Variants in PSMD3 observed in about 807,000 individuals in gnomAD.
The protein encoded by PSMD3 is proteasome 26S subunit, non-ATPase 3.
PSMD3 carries 5 observed loss-of-function variants against 62.8 expected under a neutral mutation model. The observed-to-expected ratio is 0.08, with a 90% CI of 0.04 to 0.17. PSMD3 has a LOEUF of 0.17. Ranked by LOEUF, PSMD3 falls within the 10% of genes least tolerant of loss-of-function variation. The pLI is 1.00. For missense variants in PSMD3, 524 were observed against 713.6 expected (o/e 0.73, Z 3.03); for synonymous variants, 265 against 283.9 (o/e 0.93, Z 0.67).
In PSMD3 at chr17:39,995,692, A is replaced by C. The variant is rs757588120; in HGVS notation, c.1320+165A>C. The stretch of plus-strand genomic sequence containing the variant: ...CAGTGAAGCCAAGAAGTTGCCAGAG[A>C]GAGCATGGATGTGCATGTGAGTGTG... On this transcript the variant is annotated intron_variant, in intron 9 of 11. Transcript: ENST00000264639. This position sits in a 1 kb window ranked among gnomAD's most constrained non-coding sequence, Gnocchi z 4.1. 4.3e-6 allele frequency: 3 copies of C among 695,552 alleles called. No individual in the cohort carries two copies. Among genetic ancestry groups the C allele is most frequent in the Non-Finnish European group, 7.6e-6 (3 of 396,936 alleles). 43.1% of individuals were successfully genotyped at this position (695,552 alleles called of 1,614,324 possible). A position where few individuals can be genotyped will look rare whatever the true frequency, so the allele number is the denominator to read the frequency against.
chr17:39,983,662 T>C (rs942488412), intron 1 of PSMD3, among the ~76,000 whole-genome samples: 5 of 152,232 alleles, frequency 3.3e-5, no homozygotes, highest in African/African-American at 1.2e-4. Context: ...TTTCTCCCAT[T>C]GTTCACATTT....
intron 6 of PSMD3, among the ~76,000 whole-genome samples, chr17:39,991,745 T>C (rs887293290): frequency 1.3e-5 from 2 of 152,144 alleles, no homozygotes; most frequent in African/African-American, 4.8e-5. Flanking sequence ...AGAAAGGGTC[T>C]TAAAGAAAAA....
chr17:39,994,389 T>C (rs1980731496), intron 6 of PSMD3: 1 of 155,234 alleles, frequency 6.4e-6, no homozygotes, highest in Admixed American at 6.2e-5. Flanking sequence ...CACTCGGAAA[T>C]ACTTCACAGT....
At chr17:39,988,504 C>T (rs1339079922) in intron 3 of PSMD3, among the ~76,000 whole-genome samples, 179 bp from the exon 4 acceptor site, 1 of 152,168 alleles carries the variant, frequency 6.6e-6, no homozygotes, top group Non-Finnish European at 1.5e-5. Context: ...TGGGTTGTTT[C>T]TACTCTTTGG....
At chr17:39,988,367 A>G (rs1186971115) in intron 3 of PSMD3, among the ~76,000 whole-genome samples, 1 of 152,158 alleles carries the variant, frequency 6.6e-6, no homozygotes, top group Non-Finnish European at 1.5e-5. Context: ...TTCACTTAGC[A>G]TCATGTTTTC....
At chr17:39,986,445 A>G in intron 2 of PSMD3, 130 bp from the exon 3 acceptor site, 3 of 1,136,062 alleles carry the variant, frequency 2.6e-6, no homozygotes, top group Non-Finnish European at 1.3e-6. Flanking sequence ...TTTTATCCCT[A>G]GCACCTAACA....
intron 10 of PSMD3, 152 bp from the exon 11 acceptor site, chr17:39,997,178 T>G: frequency 1.4e-6 from 1 of 700,254 alleles, no homozygotes; most frequent in East Asian, 2.5e-5. Flanking sequence ...ATAATTCCTT[T>G]GATGCCTAGC....
Position 39,995,439 on chromosome 17 carries a change from G to A in PSMD3, c.1232G>A (p.Ser411Asn). 1 of 1,614,022 alleles carries A rather than the reference G, an allele frequency of 6.2e-7. No individual in the cohort carries two copies. Among genetic ancestry groups the A allele is most frequent in the Non-Finnish European group, 8.5e-7 (1 of 1,179,910 alleles). ...NVIKTGVRMISLSYSRISLAD... is the reference protein window; with the variant it reads ...NVIKTGVRMINLSYSRISLAD... ...CCTCTCCCAGGTGTACGCATGATCA[G>A]CCTCTCCTATTCCCGAATCTCCTTG... Residue 411 changes from serine to asparagine, a missense_variant, in exon 9 of 12, where the codon AGC becomes AAC. This residue lies in a region of PSMD3 where 32 missense variants were observed against 85.4 expected (regional missense o/e 0.37). Coordinates refer to ENST00000264639, the MANE Select transcript of PSMD3 (RefSeq NM_002809.4). This position sits in a 1 kb window ranked among gnomAD's most constrained non-coding sequence, Gnocchi z 4.1.
rs1450674821 is a variant in PSMD3, at chr17:39,995,415, C to G, written c.1217-9C>G. 4 of 1,613,414 alleles carry G rather than the reference C, an allele frequency of 2.5e-6. No individual in the cohort carries two copies. The Admixed American group carries it at 6.7e-5, about 27-fold the overall frequency. On this transcript the variant is annotated splice_polypyrimidine_tract_variant and intron_variant, in intron 8 of 11. Transcript: ENST00000264639. The surrounding 1 kb of genome is among the most constrained non-coding windows in gnomAD (Gnocchi z 4.1). Reference sequence around the variant, plus strand: ...ACTCTGCCCACCCCATCGCTCCTTCCTCTCCCAGGTGTACGCATGATCAGC... The same window carrying G: ...ACTCTGCCCACCCCATCGCTCCTTCGTCTCCCAGGTGTACGCATGATCAGC...
rs1413266611 is a variant in PSMD3 at position 39,980,854 on chromosome 17, C to T, written c.-117C>T. On this transcript the variant is annotated 5_prime_UTR_variant, in exon 1 of 12. Transcript: ENST00000264639. ...GGTTTGCAGCTGCTCCGTCATCGTG[C>T]GGCCCGACGCTATCTCGCGCTCGTG... 7.5e-6 allele frequency: 7 copies of T among 933,386 alleles called. No individual in the cohort carries two copies. Among genetic ancestry groups the T allele is most frequent in the South Asian group, 7.2e-5 (4 of 55,362 alleles). 57.8% of individuals were successfully genotyped at this position (933,386 alleles called of 1,614,324 possible).
Position 39,996,370 on chromosome 17 carries a change from G to C in PSMD3, c.1476+32G>C. ...AGCCCGTGGCTGCAGAGTCACGCCTGGCAGCAGCACACCCCTCCCTCCACA... is the reference window on the plus strand; with the variant it reads ...AGCCCGTGGCTGCAGAGTCACGCCTCGCAGCAGCACACCCCTCCCTCCACA... On this transcript the variant is annotated intron_variant, in intron 10 of 11. Transcript: ENST00000264639. The surrounding 1 kb of genome is among the most constrained non-coding windows in gnomAD (Gnocchi z 5.1). The C allele has an allele frequency of 6.2e-7, 1 of 1,605,872 alleles. No homozygotes were observed. Among genetic ancestry groups the C allele is most frequent in the Non-Finnish European group, 8.5e-7 (1 of 1,175,390 alleles).
intron 6 of PSMD3, among the ~76,000 whole-genome samples, chr17:39,991,375 C>T (rs573349768): frequency 1.3e-5 from 2 of 152,086 alleles, no homozygotes; most frequent in Non-Finnish European, 2.9e-5. Flanking sequence ...AGGCTGGTCT[C>T]GAACTCCTGA....
chr17:39,996,392 C>A lies in PSMD3; in HGVS notation c.1476+54C>A. On this transcript the variant is annotated intron_variant, in intron 10 of 11. Coordinates refer to ENST00000264639, the MANE Select transcript of PSMD3 (RefSeq NM_002809.4). This position sits in a 1 kb window ranked among gnomAD's most constrained non-coding sequence, Gnocchi z 5.1. The stretch of plus-strand genomic sequence containing the variant: ...CCTGGCAGCAGCACACCCCTCCCTC[C>A]ACACTCATGGATTCCTCAGAGAAGA... 1 of 1,580,710 alleles carries A rather than the reference C, an allele frequency of 6.3e-7. No individual in the cohort carries two copies.
rs368061511 is a variant in PSMD3, at chr17:39,988,760, G to A, written c.627G>A (p.Lys209=). The change falls in exon 4 of 12, where the codon AAG becomes AAA. Residue 209 remains lysine (K), a synonymous_variant. Transcript: ENST00000264639. ...GGGCCCTAGACCTTGTAGCCGCAAA[G>A]TGTTACTATTATCACGCCCGGGTCT... ...NRRALDLVAA[K]CYYYHARVYE... The A allele has an allele frequency of 6.8e-6, 11 of 1,614,072 alleles. No individual in the cohort carries two copies. The African/African-American group carries it at 1.2e-4, about 18-fold the overall frequency.
At chr17:39,988,063 T>A (rs1267125488) in intron 3 of PSMD3, among the ~76,000 whole-genome samples, 3 of 152,208 alleles carry the variant, frequency 2.0e-5, no homozygotes, top group Non-Finnish European at 4.4e-5. Context: ...GCCGGGATTG[T>A]GCCACTGCAC....
chr17:39,990,751 G>A (rs1425990151), intron 6 of PSMD3, among the ~76,000 whole-genome samples: 1 of 152,158 alleles, frequency 6.6e-6, no homozygotes, highest in African/African-American at 2.4e-5. Flanking sequence ...CCTAGATTGT[G>A]TTGATACAAA....
intron 6 of PSMD3, among the ~76,000 whole-genome samples, chr17:39,992,024 C>CAAAAAAAAAAAAAAAACAAAAAA (rs59894264): frequency 9.8e-6 from 1 of 102,070 alleles, no homozygotes; most frequent in Non-Finnish European, 2.1e-5. Context: ...GACTCTGTCT[C>CAAAAAAAAAAAAAAAACAAAAAA]AAAAAAAAAC....
In PSMD3 at chr17:39,996,136, G is replaced by T; in HGVS notation, c.1321-47G>T. 10 of 1,493,050 alleles carry T rather than the reference G, an allele frequency of 6.7e-6. No individual in the cohort carries two copies. Among genetic ancestry groups the T allele is most frequent in the Non-Finnish European group, 8.2e-6 (9 of 1,091,758 alleles). 92.5% of individuals were successfully genotyped at this position (1,493,050 alleles called of 1,614,324 possible). ...ACTCCATCTCAAAAAAAAAAAAAAA[G>T]AAGAAGCTGGGTGTGCTGGTGAACT... is the stretch of plus-strand genomic sequence containing the variant. On this transcript the variant is annotated intron_variant, in intron 9 of 11. Coordinates refer to ENST00000264639, the MANE Select transcript of PSMD3 (RefSeq NM_002809.4). The surrounding 1 kb of genome is among the most constrained non-coding windows in gnomAD (Gnocchi z 5.1).
At chr17:39,990,228 T>G in intron 6 of PSMD3, 31 bp downstream of exon 6, 2 of 1,096,702 alleles carry the variant, frequency 1.8e-6, no homozygotes, top group Non-Finnish European at 2.6e-6. Flanking sequence ...TCCCTTTGCC[T>G]CTTTTTTTTT....
Sources: allele counts gnomAD v4.1 joint callset (sites outside exome capture counted in the v4.1 genomes callset), GRCh38; gene constraint gnomAD v4.1.1; regional missense constraint gnomAD v4.1.1; non-coding constraint Gnocchi (gnomAD v3.1); transcripts MANE v1.5; gene names NCBI Gene and HGNC (gene_info 2026-07-23, HGNC 2026-07-21).